The following SGK1 variants were observed in gnomAD, a reference collection of about 807,000 sequenced individuals.
SGK1 encodes serine/threonine-protein kinase Sgk1.
A neutral mutation model predicts 64.2 loss-of-function variants in SGK1; 26 were observed. The observed-to-expected ratio is 0.40, with a 90% CI of 0.30 to 0.56. The LOEUF (loss-of-function observed/expected upper bound fraction) is 0.56, where lower values mean the gene tolerates loss of function less well. Among genes scored for constraint, SGK1 ranks in the 20% least tolerant of loss-of-function variants. The probability of loss-of-function intolerance (pLI) is 0.38; values close to 1 mark genes in which losing one functional copy is unlikely to be tolerated. For synonymous variants in SGK1, 265 were observed against 239.7 expected (o/e 1.11, Z -0.98); for missense variants, 519 against 645.6 (o/e 0.80, Z 2.12).
At chr6:134,312,917 C>T (rs117452905) in intron 1 of SGK1, among the ~76,000 whole-genome samples, 3,596 of 152,140 alleles carry the variant, frequency 0.024, 62 homozygotes, top group East Asian at 0.067. Flanking sequence ...GGATTATGGG[C>T]GCCTGCCATC....
chr6:134,206,223 T>C (rs1175099508), intron 3 of SGK1, among the ~76,000 whole-genome samples: 6 of 151,214 alleles, frequency 4.0e-5, no homozygotes, highest in African/African-American at 1.5e-4. Flanking sequence ...AAACTTGGAC[T>C]CATGTGTTTG....
At chr6:134,237,544 G>A (rs1776383867) in intron 2 of SGK1, among the ~76,000 whole-genome samples, 1 of 152,052 alleles carries the variant, frequency 6.6e-6, no homozygotes, top group Non-Finnish European at 1.5e-5. Flanking sequence ...AGGCGTGGTG[G>A]CATGCGCCTG....
rs932910391 is a variant in SGK1, at chr6:134,255,687, C to T, written c.285+6246G>A. Among the ~76,000 whole-genome samples, 5 of 148,142 alleles carry T rather than the reference C, an allele frequency of 3.4e-5. No homozygotes were observed. In the South Asian group the frequency reaches 8.6e-4, roughly 25 times the overall value. On this transcript the variant is annotated intron_variant, in intron 2 of 13. Coordinates refer to ENST00000367858, the MANE Select transcript of SGK1 (RefSeq NM_001143676.3). The stretch of plus-strand genomic sequence containing the variant: ...ACCTCCACCACCTCCCAGGTTCAAG[C>T]GATTCTCCTGCCTCAGTCTTCCAAG...
intron 1 of SGK1, among the ~76,000 whole-genome samples, chr6:134,282,478 C>A (rs1425139079): frequency 5.9e-5 from 9 of 151,850 alleles, no homozygotes; most frequent in African/African-American, 1.9e-4. Context: ...ATGGTGAAAC[C>A]CCCTCTCTGC....
chr6:134,190,227 G>GA (rs1229819448), intron 3 of SGK1, among the ~76,000 whole-genome samples: 2 of 151,344 alleles, frequency 1.3e-5, no homozygotes, highest in Non-Finnish European at 2.9e-5. Flanking sequence ...TCTATAGTGG[G>GA]AAAACAACAA....
chr6:134,193,837 G>GAA (rs1246825299), intron 3 of SGK1, among the ~76,000 whole-genome samples: 62 of 68,206 alleles, frequency 9.1e-4, no homozygotes, highest in East Asian at 3.2e-3. Context: ...GGGGAGGGAA[G>GAA]GGGAGGGGAG....
At position 134,317,252 on chromosome 6, in the gene SGK1, CT is replaced by C. The variant is rs1777700185; in HGVS notation, c.69+139del. The C allele has an allele frequency of 1.7e-5, 12 of 704,778 alleles. 1 individual carries two copies. The South Asian group carries it at 2.0e-4, about 12-fold the overall frequency. The allele number at this position is 704,778 out of a possible 1,614,324, so 43.7% of individuals were successfully genotyped here. A position where few individuals can be genotyped will look rare whatever the true frequency, so the allele number is the denominator to read the frequency against. On this transcript the variant is annotated intron_variant, in intron 1 of 13. Coordinates refer to ENST00000367858, the MANE Select transcript of SGK1 (RefSeq NM_001143676.3). Reference sequence around the variant, plus strand: ...AATTCTAATCAAGTCAGGTATAGTTCTCAGCTTTACCACTGCCATCAGAAGC... The same window carrying C: ...AATTCTAATCAAGTCAGGTATAGTTCCAGCTTTACCACTGCCATCAGAAGC...
At chr6:134,287,152 G>A (rs969608145) in intron 1 of SGK1, among the ~76,000 whole-genome samples, 8 of 151,906 alleles carry the variant, frequency 5.3e-5, no homozygotes, top group Admixed American at 2.0e-4. Context: ...TTGTGTTTTT[G>A]GTAGAGATGG....
intron 3 of SGK1, among the ~76,000 whole-genome samples, chr6:134,196,575 C>T (rs888358191): frequency 6.6e-6 from 1 of 152,214 alleles, no homozygotes. Flanking sequence ...CAAGAATTCA[C>T]GACACAACCA....
At chr6:134,295,625 C>T (rs191436972) in intron 1 of SGK1, among the ~76,000 whole-genome samples, 8 of 152,134 alleles carry the variant, frequency 5.3e-5, no homozygotes, top group South Asian at 2.1e-4. Flanking sequence ...ATCGCTTGAA[C>T]CTGGGACCCG....
At chr6:134,286,170 T>C (rs1448587298) in intron 1 of SGK1, among the ~76,000 whole-genome samples, 1 of 152,234 alleles carries the variant, frequency 6.6e-6, no homozygotes, top group Non-Finnish European at 1.5e-5. Context: ...TATAAAATTG[T>C]ATTAGATTTG....
At chr6:134,240,934 C>T (rs1162193259) in intron 2 of SGK1, among the ~76,000 whole-genome samples, 1 of 152,064 alleles carries the variant, frequency 6.6e-6, no homozygotes, top group Non-Finnish European at 1.5e-5. Flanking sequence ...CCAGACAAGA[C>T]TGGAGAAGAA....
chr6:134,177,610 G>T, intron 3 of SGK1: 1 of 1,470,572 alleles, frequency 6.8e-7, no homozygotes, highest in Non-Finnish European at 9.5e-7. Flanking sequence ...CCCATGCCAA[G>T]TAACCCCAAA....
intron 2 of SGK1, chr6:134,260,375 C>CCG (rs1554225479): frequency 3.6e-5 from 1 of 27,544 alleles, no homozygotes; most frequent in Admixed American, 2.8e-4. Context: ...CCGACCCCCA[C>CCG]CCCCCCCAAA....
At chr6:134,279,492 A>G (rs906677536) in intron 1 of SGK1, among the ~76,000 whole-genome samples, 1 of 150,982 alleles carries the variant, frequency 6.6e-6, no homozygotes, top group Non-Finnish European at 1.5e-5. Flanking sequence ...TCAAAGAAAC[A>G]TTCTTGCAAC....
At chr6:134,230,776 G>A (rs1776265501) in intron 2 of SGK1, among the ~76,000 whole-genome samples, 1 of 152,192 alleles carries the variant, frequency 6.6e-6, no homozygotes, top group Non-Finnish European at 1.5e-5. Flanking sequence ...CACTTTCGGA[G>A]GCCGAGGCAG....
chr6:134,293,572 A>G (rs1341929575), intron 1 of SGK1, among the ~76,000 whole-genome samples: 1 of 152,206 alleles, frequency 6.6e-6, no homozygotes, highest in Non-Finnish European at 1.5e-5. Flanking sequence ...TCTTCTACTT[A>G]AATGTCAAAA....
chr6:134,245,571 T>C (rs546360572), intron 2 of SGK1, among the ~76,000 whole-genome samples: 20 of 152,312 alleles, frequency 1.3e-4, no homozygotes, highest in African/African-American at 4.8e-4. Flanking sequence ...AATATGAAAA[T>C]GGGCTGGGCA....
intron 2 of SGK1, among the ~76,000 whole-genome samples, chr6:134,241,048 CTTTTTTTTTTT>C (rs10686058): frequency 1.3e-5 from 1 of 74,080 alleles, no homozygotes; most frequent in South Asian, 6.8e-4. Flanking sequence ...TTCTTTTTTT[CTTTTTTTTTTT>C]TTTTTTTTGA....
Sources: gnomAD v4.1 joint callset for allele counts (sites outside exome capture counted in the v4.1 genomes callset) on GRCh38, gnomAD v4.1.1 for gene constraint, MANE v1.5 for transcripts, NCBI Gene and HGNC (gene_info 2026-07-23, HGNC 2026-07-21) for gene names.